RSPH1: variants seen among roughly 807,000 people sequenced by gnomAD.
RSPH1 encodes the protein radial spoke head component 1.
RSPH1 carries 32 observed loss-of-function variants against 44.2 expected under a neutral mutation model. The observed-to-expected ratio is 0.72, with a 90% CI of 0.55 to 0.97. RSPH1 has a LOEUF of 0.97. Ranked by LOEUF, RSPH1 falls within the 50% of genes least tolerant of loss-of-function variation. The pLI is 0.00. For missense variants in RSPH1, 391 were observed against 398.7 expected, an observed-to-expected ratio of 0.98 and a Z score of 0.16; for synonymous variants, 134 against 147.3, an observed-to-expected ratio of 0.91 and a Z score of 0.65.
intron 7 of RSPH1, among the ~76,000 whole-genome samples, chr21:42,476,539 C>T (rs540694931): frequency 1.3e-5 from 2 of 152,160 alleles, no homozygotes; most frequent in African/African-American, 4.8e-5. Flanking sequence ...GGGGTAGCCA[C>T]CTTCAACTTT....
chr21:42,480,452 C>A (rs988590652), intron 6 of RSPH1, among the ~76,000 whole-genome samples: 2 of 151,972 alleles, frequency 1.3e-5, no homozygotes, highest in South Asian at 4.2e-4. Flanking sequence ...ACCAGCCTGA[C>A]CAATATGGAG....
At chr21:42,473,748 G>A (rs2054016727) in intron 8 of RSPH1, among the ~76,000 whole-genome samples, 1 of 152,030 alleles carries the variant, frequency 6.6e-6, no homozygotes, top group Non-Finnish European at 1.5e-5. Context: ...TTCACTTAGG[G>A]CCCTCCTGAC....
At chr21:42,476,179 C>CAT (rs898282832) in intron 7 of RSPH1, 132 bp from the exon 8 acceptor site, 4 of 837,138 alleles carry the variant, frequency 4.8e-6, no homozygotes, top group Non-Finnish European at 7.4e-6. Flanking sequence ...TCATGTTCCC[C>CAT]ATCTCAACAT....
Position 42,482,592 on chromosome 21 carries a change from A to G in RSPH1, c.573+45T>C, listed in dbSNP as rs571166676. ...GCAGGATCAATATTTTTGAGCAGCT[A>G]CTTCCCTGTTAATGTAACAAAACCC... On this transcript the variant is annotated intron_variant, in intron 6 of 8. Coordinates refer to ENST00000291536, the MANE Select transcript of RSPH1 (RefSeq NM_080860.4). 2.9e-6 allele frequency: 4 copies of G among 1,392,198 alleles called. No homozygotes were observed. In the South Asian group the frequency reaches 3.6e-5, roughly 12 times the overall value. The allele number at this position is 1,392,198 out of a possible 1,614,324, so 86.2% of individuals were successfully genotyped here.
At chr21:42,475,024 C>T (rs891214951) in intron 8 of RSPH1, among the ~76,000 whole-genome samples, 1 of 152,176 alleles carries the variant, frequency 6.6e-6, no homozygotes, top group Admixed American at 6.5e-5. Context: ...CCCTCACAAG[C>T]ACGACACCCT....
At position 42,486,014 on chromosome 21, in the gene RSPH1, C is replaced by T. The variant is rs2054177203; in HGVS notation, c.366-210G>A. 5 of 637,708 alleles carry T rather than the reference C, an allele frequency of 7.8e-6. No individual in the cohort carries two copies. The East Asian group carries it at 1.4e-4, about 18-fold the overall frequency. 39.5% of individuals were successfully genotyped at this position (637,708 alleles called of 1,614,324 possible). ...GCCAGAGGCACAGAGGACAGGCCAGCTGGACAGAGGCAAGCCTCCTGTGTG... is the reference window on the plus strand; with the variant it reads ...GCCAGAGGCACAGAGGACAGGCCAGTTGGACAGAGGCAAGCCTCCTGTGTG... On this transcript the variant is annotated intron_variant, in intron 4 of 8. Transcript: ENST00000291536.
chr21:42,490,221 C>G (rs1390096889), intron 3 of RSPH1, among the ~76,000 whole-genome samples: 2 of 152,092 alleles, frequency 1.3e-5, no homozygotes, highest in African/African-American at 4.8e-5. Context: ...TCTCCTGCAG[C>G]ACTATAGCCT....
chr21:42,484,299 C>T (rs745805907), intron 5 of RSPH1, among the ~76,000 whole-genome samples: 1 of 152,192 alleles, frequency 6.6e-6, no homozygotes, highest in African/African-American at 2.4e-5. Flanking sequence ...TATAAACTGA[C>T]ACCACTTTTT....
At chr21:42,479,779 C>T (rs2054107079) in intron 6 of RSPH1, among the ~76,000 whole-genome samples, 1 of 151,698 alleles carries the variant, frequency 6.6e-6, no homozygotes, top group South Asian at 2.1e-4. Context: ...AGTGGAACCT[C>T]GGGGGAGGAC....
chr21:42,475,876 C>T, intron 8 of RSPH1, 22 bp downstream of exon 8: 6 of 1,608,354 alleles, frequency 3.7e-6, no homozygotes, highest in Non-Finnish European at 5.1e-6. Context: ...CCTCGCCCCA[C>T]TTCCCTGCGC....
intron 8 of RSPH1, among the ~76,000 whole-genome samples, chr21:42,473,259 G>A (rs577057963): frequency 6.6e-6 from 1 of 152,234 alleles, no homozygotes; most frequent in Admixed American, 6.5e-5. Context: ...GGGAGGCCAA[G>A]GCAGGCGGAT....
intron 6 of RSPH1, among the ~76,000 whole-genome samples, chr21:42,480,020 G>A (rs1330287141): frequency 2.0e-5 from 3 of 152,216 alleles, no homozygotes; most frequent in African/African-American, 7.2e-5. Context: ...GAAGAGGCAA[G>A]GAAGACAGAT....
intron 6 of RSPH1, among the ~76,000 whole-genome samples, chr21:42,479,944 TCATTTTCTG>T (rs2054109098): frequency 1.3e-5 from 2 of 152,192 alleles, no homozygotes; most frequent in Non-Finnish European, 2.9e-5. Flanking sequence ...TTTGGCCATT[TCATTTTCTG>T]GTTTTCTAGG....
At chr21:42,491,359 G>A (rs1318281317) in intron 3 of RSPH1, among the ~76,000 whole-genome samples, 4 of 152,144 alleles carry the variant, frequency 2.6e-5, no homozygotes, top group Non-Finnish European at 5.9e-5. Flanking sequence ...GAAGTACATA[G>A]CATGGAAAAT....
At chr21:42,493,705 T>G (rs2054258784) in intron 1 of RSPH1, among the ~76,000 whole-genome samples, 1 of 152,190 alleles carries the variant, frequency 6.6e-6, no homozygotes, top group Non-Finnish European at 1.5e-5. Flanking sequence ...AGACTTAAGG[T>G]TCGAACACTC....
intron 6 of RSPH1, among the ~76,000 whole-genome samples, chr21:42,478,088 T>G (rs1055426515): frequency 6.6e-6 from 1 of 152,192 alleles, no homozygotes; most frequent in Non-Finnish European, 1.5e-5. Context: ...ATGGAACACT[T>G]TGTAATAAAA....
chr21:42,492,817 A>G lies in RSPH1; in HGVS notation c.215T>C (p.Val72Ala). The G allele has an allele frequency of 6.2e-7, 1 of 1,613,634 alleles. No individual in the cohort carries two copies. Among genetic ancestry groups the G allele is most frequent in the Non-Finnish European group, 8.5e-7 (1 of 1,179,494 alleles). The change falls in exon 3 of 9, where the codon GTT becomes GCT. Residue 72 changes from valine to alanine, a missense_variant. Physicochemically the swap from Val to Ala is moderately conservative, Grantham distance 64. Coordinates refer to ENST00000291536, the MANE Select transcript of RSPH1 (RefSeq NM_080860.4). ...GCCTTGACCGTGCTTTTTATTTCTA[A>G]CATATTCTCCGATATATCGAGCACC... ...KNGARYIGEY[V>A]RNKKHGQGTF... is the part of the protein sequence containing the mutation.
chr21:42,482,925 A>C (rs2054143749), intron 5 of RSPH1, among the ~76,000 whole-genome samples: 1 of 152,192 alleles, frequency 6.6e-6, no homozygotes, highest in Non-Finnish European at 1.5e-5. Flanking sequence ...ACTTTTTTAT[A>C]AAAGTGATGT....
intron 6 of RSPH1, among the ~76,000 whole-genome samples, chr21:42,479,454 T>C (rs866408249): frequency 1.3e-5 from 2 of 152,196 alleles, no homozygotes; most frequent in African/African-American, 4.8e-5. Flanking sequence ...AGGAACTTTT[T>C]CCAGTAGAGT....
Sources: allele counts gnomAD v4.1 joint callset (sites outside exome capture counted in the v4.1 genomes callset), GRCh38; gene constraint gnomAD v4.1.1; transcripts MANE v1.5; gene names NCBI Gene and HGNC (gene_info 2026-07-23, HGNC 2026-07-21).